Variants in TTC29 observed in about 807,000 individuals in gnomAD.
TTC29 encodes tetratricopeptide repeat domain 29.
Under a neutral mutation model 58.1 loss-of-function variants are expected in TTC29, and 49 were observed. The observed-to-expected ratio is 0.84, with a 90% CI of 0.67 to 1.07. TTC29 has a LOEUF of 1.07. Ranked by LOEUF, TTC29 falls within the 50% of genes least tolerant of loss-of-function variation. The probability of loss-of-function intolerance (pLI) is 0.00; values close to 1 mark genes in which losing one functional copy is unlikely to be tolerated. For missense variants in TTC29, 582 were observed against 555.6 expected, an observed-to-expected ratio of 1.05 and a Z score of -0.48; for synonymous variants, 209 against 196.8, an observed-to-expected ratio of 1.06 and a Z score of -0.52.
intron 11 of TTC29, among the ~76,000 whole-genome samples, chr4:146,714,635 A>G (rs1227897727): frequency 6.6e-6 from 1 of 152,092 alleles, no homozygotes; most frequent in Admixed American, 6.6e-5. Context: ...ACAATGACAT[A>G]CCCACTGAAA....
intron 9 of TTC29, 106 bp from the exon 10 acceptor site, chr4:146,820,354 A>T: frequency 8.0e-7 from 1 of 1,257,534 alleles, no homozygotes. Flanking sequence ...GATGGTTATC[A>T]GGATAATAAG....
intron 11 of TTC29, among the ~76,000 whole-genome samples, chr4:146,714,458 A>G (rs965514241): frequency 3.9e-5 from 6 of 152,112 alleles, no homozygotes; most frequent in Non-Finnish European, 7.4e-5. Context: ...CTGGCATTAT[A>G]AAAAGGAGAT....
chr4:146,874,575 T>A (rs1366062977), intron 7 of TTC29, 141 bp downstream of exon 7: 7 of 712,836 alleles, frequency 9.8e-6, no homozygotes, highest in South Asian at 1.9e-5. Flanking sequence ...ACAGTGAAAT[T>A]TGAAAGTAAA....
At chr4:146,881,565 G>C (rs541214137) in intron 6 of TTC29, among the ~76,000 whole-genome samples, 3 of 152,190 alleles carry the variant, frequency 2.0e-5, no homozygotes, top group African/African-American at 7.2e-5. Context: ...GTAGCAAAAA[G>C]GGAAAAATGT....
At chr4:146,753,072 G>A (rs905198363) in intron 11 of TTC29, among the ~76,000 whole-genome samples, 2 of 152,162 alleles carry the variant, frequency 1.3e-5, no homozygotes, top group African/African-American at 2.4e-5. Context: ...AAACTAAAGA[G>A]CTTCTGTACA....
At chr4:146,910,626 T>C (rs553047746) in intron 4 of TTC29, among the ~76,000 whole-genome samples, 1 of 152,134 alleles carries the variant, frequency 6.6e-6, no homozygotes, top group East Asian at 1.9e-4. Context: ...GAGGTAGAGC[T>C]ATTGGAGATC....
At chr4:146,816,454 A>G (rs1579742940) in intron 10 of TTC29, among the ~76,000 whole-genome samples, 1 of 152,264 alleles carries the variant, frequency 6.6e-6, no homozygotes, top group East Asian at 1.9e-4. Flanking sequence ...GAAGCACACG[A>G]CATGCAAAAC....
chr4:146,769,960 T>C (rs191019151), intron 11 of TTC29, among the ~76,000 whole-genome samples: 14 of 152,132 alleles, frequency 9.2e-5, no homozygotes, highest in Non-Finnish European at 1.5e-4. Context: ...CTAAACATCA[T>C]CTTTATTAAA....
intron 9 of TTC29, among the ~76,000 whole-genome samples, chr4:146,822,215 C>T (rs1751895569): frequency 1.3e-5 from 2 of 152,026 alleles, no homozygotes; most frequent in Admixed American, 6.6e-5. Context: ...ATTGATCCAT[C>T]CTCTAAGTTC....
In TTC29 at chr4:146,894,110, A is replaced by G. The variant is rs187798661; in HGVS notation, c.586+9434T>C. 4.7e-3 allele frequency among the ~76,000 whole-genome samples: 723 copies of G among 152,344 alleles called. 4 individuals are homozygous for G. Among genetic ancestry groups the G allele is most frequent in the Non-Finnish European group, 8.7e-3 (592 of 68,042 alleles). On this transcript the variant is annotated intron_variant, in intron 6 of 12. Transcript: ENST00000325106. ...CTGTAAACTAGTTCAACCATTGTGG[A>G]AGTCAATATGGCGATTCCTCAGGGA...
At chr4:146,746,275 T>C (rs1384589266) in intron 11 of TTC29, among the ~76,000 whole-genome samples, 2 of 152,270 alleles carry the variant, frequency 1.3e-5, no homozygotes, top group African/African-American at 2.4e-5. Flanking sequence ...CACTTGCTTC[T>C]CTGAACTGTC....
At chr4:146,734,693 A>G (rs1039651633) in intron 11 of TTC29, among the ~76,000 whole-genome samples, 7 of 152,020 alleles carry the variant, frequency 4.6e-5, no homozygotes, top group African/African-American at 1.7e-4. Context: ...AAAAACCAAT[A>G]CATTTGGTCA....
chr4:146,900,551 C>A (rs1183809507), intron 6 of TTC29, among the ~76,000 whole-genome samples: 1 of 152,148 alleles, frequency 6.6e-6, no homozygotes, highest in African/African-American at 2.4e-5. Context: ...CAACATGGTG[C>A]CGTGCGTACT....
At chr4:146,789,434 C>T (rs1243151706) in intron 11 of TTC29, among the ~76,000 whole-genome samples, 1 of 152,192 alleles carries the variant, frequency 6.6e-6, no homozygotes, top group Non-Finnish European at 1.5e-5. Context: ...CCCAACACCA[C>T]CTACCCCTCA....
At chr4:146,842,862 A>G (rs1440886853) in intron 8 of TTC29, among the ~76,000 whole-genome samples, 1 of 152,202 alleles carries the variant, frequency 6.6e-6, no homozygotes, top group Non-Finnish European at 1.5e-5. Context: ...TAAAAAATCA[A>G]GTTTGCCATC....
intron 6 of TTC29, among the ~76,000 whole-genome samples, chr4:146,896,180 C>G (rs1732758616): frequency 6.6e-6 from 1 of 152,032 alleles, no homozygotes; most frequent in South Asian, 2.1e-4. Context: ...TTTTGTTGGG[C>G]TCCAGAATAT....
intron 11 of TTC29, among the ~76,000 whole-genome samples, chr4:146,778,363 A>AT (rs1748273307): frequency 6.6e-6 from 1 of 151,826 alleles, no homozygotes; most frequent in South Asian, 2.1e-4. Context: ...TTCACTTTTG[A>AT]TTTTTTTGAA....
chr4:146,875,073 T>A (rs149440898), intron 6 of TTC29, 145 bp from the exon 7 acceptor site: 2 of 668,176 alleles, frequency 3.0e-6, no homozygotes, highest in Admixed American at 5.5e-5. Flanking sequence ...TGAATTAAAC[T>A]GGGAAAGGAG....
chr4:146,913,737 A>T (rs36016501), intron 4 of TTC29, among the ~76,000 whole-genome samples: 23,999 of 151,902 alleles, frequency 0.16, 3,028 homozygotes, highest in African/African-American at 0.34. Context: ...TTCCACCATA[A>T]CCTTTCAATA....
Sources: allele counts gnomAD v4.1 joint callset (sites outside exome capture counted in the v4.1 genomes callset), GRCh38; gene constraint gnomAD v4.1.1; transcripts MANE v1.5; gene names NCBI Gene and HGNC (gene_info 2026-07-23, HGNC 2026-07-21).